The following ERCC6L2 variants were observed in gnomAD, a reference collection of about 807,000 sequenced individuals.
ERCC6L2 encodes the protein DNA excision repair protein ERCC-6-like 2.
In ERCC6L2, 77 loss-of-function variants were observed where a neutral mutation model predicts 132.0. That is an observed-to-expected ratio of 0.58 (90% CI 0.49 to 0.71). The LOEUF is 0.71. ERCC6L2 is among the 30% of genes least tolerant of loss of function. The probability of loss-of-function intolerance (pLI) is 0.00; values close to 1 mark genes in which losing one functional copy is unlikely to be tolerated. For missense variants in ERCC6L2, 1,542 were observed against 1,837.6 expected, an observed-to-expected ratio of 0.84 and a Z score of 2.94; for synonymous variants, 583 against 632.4, an observed-to-expected ratio of 0.92 and a Z score of 1.17.
Position 95,876,060 on chromosome 9 carries a change from C to A in ERCC6L2, c.22C>A (p.Pro8Thr). The part of the protein sequence containing the change: MDPSAPQ[P>T]RAETSGKDIW... Reference sequence around the variant, plus strand: ...CCGGATGGATCCGTCGGCGCCACAGCCCCGCGCGGAAACCTCAGGCAAAGG... The same window carrying A: ...CCGGATGGATCCGTCGGCGCCACAGACCCGCGCGGAAACCTCAGGCAAAGG... The change falls in exon 1 of 19, where the codon CCC becomes ACC. Residue 8 changes from proline (P) to threonine (T), a missense_variant. Physicochemically the swap from Pro to Thr is conservative, Grantham distance 38 (BLOSUM62 -1). Transcript: ENST00000653738. 1.9e-6 allele frequency: 3 copies of A among 1,584,958 alleles called. No individual in the cohort carries two copies. Among genetic ancestry groups the A allele is most frequent in the Non-Finnish European group, 2.6e-6 (3 of 1,166,336 alleles).
At position 95,965,657 on chromosome 9, in the gene ERCC6L2, C is replaced by G. The variant is rs1262869242; in HGVS notation, c.1948-905C>G. 2.0e-5 allele frequency among the ~76,000 whole-genome samples: 3 copies of G among 152,074 alleles called. No homozygotes were observed. In the East Asian group the frequency reaches 5.8e-4, roughly 29 times the overall value. On this transcript the variant is annotated intron_variant, in intron 13 of 18. Transcript: ENST00000653738. ...AGTAGCTGGGATTACAGGCACCCAC[C>G]ACCATGCCCAGCTAATTTTTGTATT... is the stretch of plus-strand genomic sequence containing the variant.
chr9:95,982,370 A>C (rs1166448938), intron 17 of ERCC6L2, among the ~76,000 whole-genome samples: 2 of 152,134 alleles, frequency 1.3e-5, no homozygotes, highest in African/African-American at 4.8e-5. Flanking sequence ...TCTGTGAGCT[A>C]CGGTGGGTTT....
intron 12 of ERCC6L2, among the ~76,000 whole-genome samples, chr9:95,951,102 A>G (rs1421506729): frequency 6.6e-6 from 1 of 152,240 alleles, no homozygotes; most frequent in Non-Finnish European, 1.5e-5. Context: ...ATACATTTTA[A>G]AAGATTGAAA....
downstream of ERCC6L2, chr9:96,021,009 C>T (rs977880485): frequency 2.2e-6 from 1 of 456,392 alleles, no homozygotes; most frequent in Admixed American, 2.3e-5. The surrounding 1 kb of genome is among the most constrained non-coding windows in gnomAD (Gnocchi z 4.7). Context: ...GACCAAAAGT[C>T]CTCAGTGTCG....
intron 17 of ERCC6L2, 37 bp from the exon 18 acceptor site, chr9:96,004,483 T>C (rs1044365653): frequency 1.2e-5 from 14 of 1,208,290 alleles, no homozygotes; most frequent in Non-Finnish European, 1.5e-5. Flanking sequence ...ATGACTATTT[T>C]TTCAGACATA....
chr9:96,008,944 G>A (rs1564301704), intron 18 of ERCC6L2, among the ~76,000 whole-genome samples: 1 of 152,206 alleles, frequency 6.6e-6, no homozygotes. Flanking sequence ...CGAGAAAGCA[G>A]CCTTCACAGC....
intron 12 of ERCC6L2, among the ~76,000 whole-genome samples, chr9:95,955,507 C>T (rs1831556567): frequency 6.6e-6 from 1 of 150,390 alleles, no homozygotes; most frequent in African/African-American, 2.5e-5. Context: ...CTTCCCCATC[C>T]CCTTATCCCC....
At chr9:95,907,837 A>C (rs1315024506) in intron 4 of ERCC6L2, among the ~76,000 whole-genome samples, 1 of 119,236 alleles carries the variant, frequency 8.4e-6, no homozygotes, top group East Asian at 2.7e-4. Flanking sequence ...ACACACACAC[A>C]CACACACACA....
chr9:95,983,927 G>A (rs1437076316), intron 17 of ERCC6L2, among the ~76,000 whole-genome samples: 1 of 152,000 alleles, frequency 6.6e-6, no homozygotes, highest in African/African-American at 2.4e-5. Flanking sequence ...AATTCCTTTG[G>A]TGTCTACTTT....
intron 3 of ERCC6L2, among the ~76,000 whole-genome samples, chr9:95,903,404 T>C (rs377037498): frequency 6.6e-6 from 1 of 152,134 alleles, no homozygotes; most frequent in Non-Finnish European, 1.5e-5. Context: ...TCTCAACTTA[T>C]GAAAAATAAA....
At position 96,032,811 on chromosome 9, in the gene ERCC6L2, C is replaced by A. The variant is rs1212160863; in HGVS notation, c.*1504-6065C>A. ...ACCTCATGGTCTGTGAAGGTCCATT[C>A]CCTTGTTTGTAGGTCAAATCTCAAA... On this transcript the variant is annotated intron_variant and NMD_transcript_variant, in intron 19 of 20. Coordinates refer to the ERCC6L2 transcript ENST00000670016. 2.6e-5 allele frequency among the ~76,000 whole-genome samples: 4 copies of A among 152,318 alleles called. No homozygotes were observed. In the East Asian group the frequency reaches 5.8e-4, roughly 22 times the overall value.
chr9:96,025,634 A>C (rs1436996654), intron 19 of ERCC6L2: 1 of 152,276 alleles, frequency 6.6e-6, no homozygotes, highest in African/African-American at 2.4e-5. Context: ...AATTTTGCCC[A>C]TTGAAGTTTT....
chr9:95,908,882 AC>A (rs1218974728), intron 4 of ERCC6L2, among the ~76,000 whole-genome samples: 2 of 152,184 alleles, frequency 1.3e-5, no homozygotes, highest in Non-Finnish European at 2.9e-5. Context: ...TGATACTTTC[AC>A]ATCAGCATTA....
intron 17 of ERCC6L2, among the ~76,000 whole-genome samples, chr9:95,996,556 G>A (rs914266835): frequency 9.9e-5 from 15 of 152,232 alleles, no homozygotes; most frequent in African/African-American, 3.4e-4. Flanking sequence ...TCAAAGGACA[G>A]GCTGACGCTC....
At chr9:95,915,963 G>A in intron 5 of ERCC6L2, 134 bp downstream of exon 5, 2 of 896,846 alleles carry the variant, frequency 2.2e-6, no homozygotes, top group Non-Finnish European at 3.3e-6. Flanking sequence ...CCCAGATGTG[G>A]TATACACAGT....
At position 95,972,336 on chromosome 9, in the gene ERCC6L2, T is replaced by C; in HGVS notation, c.2585T>C (p.Ile862Thr). ...ATCCTAAATCCAAAAGAAAAGCATA[T>C]TTTTTATAAAAGTGAGAAGATTTTA... ...DNILNPKEKHIFYKSEKILEQ... is the reference protein window; with the variant it reads ...DNILNPKEKHTFYKSEKILEQ... Residue 862 changes from isoleucine to threonine, a missense_variant, in exon 16 of 19, where the codon ATT becomes ACT. By Grantham distance (89) the Ile-to-Thr change is moderately conservative. Transcript: ENST00000653738. The C allele has an allele frequency of 3.9e-6, 5 of 1,289,480 alleles. No homozygotes were observed. The highest frequency in any genetic ancestry group is 1.3e-5 in the South Asian group (1 of 77,976). The allele number at this position is 1,289,480 out of a possible 1,614,324, so 79.9% of individuals were successfully genotyped here. A position where few individuals can be genotyped will look rare whatever the true frequency, so the allele number is the denominator to read the frequency against.
chr9:95,962,312 A>G (rs1488080680), intron 13 of ERCC6L2, among the ~76,000 whole-genome samples: 1 of 152,132 alleles, frequency 6.6e-6, no homozygotes, highest in Admixed American at 6.6e-5. Flanking sequence ...AGATGCTCAT[A>G]TACTACTGTT....
chr9:95,906,554 A>G, intron 3 of ERCC6L2: 1 of 433,698 alleles, frequency 2.3e-6, no homozygotes, highest in Non-Finnish European at 4.6e-6. Flanking sequence ...AAGTTCATCC[A>G]GGAAGTTTTC....
intron 13 of ERCC6L2, among the ~76,000 whole-genome samples, chr9:95,957,525 T>TAC (rs1831668957): frequency 6.6e-6 from 1 of 152,062 alleles, no homozygotes; most frequent in African/African-American, 2.4e-5. Context: ...TTCTTTTGAG[T>TAC]ACTGTCTTAG....
Sources: gnomAD v4.1 joint callset for allele counts (sites outside exome capture counted in the v4.1 genomes callset) on GRCh38, gnomAD v4.1.1 for gene constraint, Gnocchi (gnomAD v3.1) non-coding constraint, MANE v1.5 for transcripts, NCBI Gene and HGNC (gene_info 2026-07-23, HGNC 2026-07-21) for gene names.